Variants in EPHB2 observed in about 807,000 individuals in gnomAD.
The protein encoded by EPHB2 is ephrin type-B receptor 2.
EPHB2 carries 18 observed loss-of-function variants against 96.4 expected under a neutral mutation model. The observed-to-expected ratio is 0.19, with a 90% CI of 0.13 to 0.28. The LOEUF (loss-of-function observed/expected upper bound fraction) is 0.28. Ranked by LOEUF, EPHB2 falls within the 10% of genes least tolerant of loss-of-function variation. The pLI is 1.00. For synonymous variants in EPHB2, 506 were observed against 534.1 expected, an observed-to-expected ratio of 0.95 and a Z score of 0.72; for missense variants, 989 against 1,355.4, an observed-to-expected ratio of 0.73 and a Z score of 4.25.
chr1:22,806,436 G>A (rs1644925965), intron 3 of EPHB2, among the ~76,000 whole-genome samples: 1 of 152,160 alleles, frequency 6.6e-6, no homozygotes, highest in African/African-American at 2.4e-5. Flanking sequence ...CATAGCAAAT[G>A]CTCAACAGTG....
rs115646372 is a variant in EPHB2, at chr1:22,837,107, G to C, written c.812-25930G>C. On this transcript the variant is annotated intron_variant, in intron 3 of 15. Transcript: ENST00000374630. The stretch of plus-strand genomic sequence containing the variant: ...GATGGAGAAGTCTGCAGACAGGCTT[G>C]GGCACTGGATCAGCAACGTCAGGGA... Among the ~76,000 whole-genome samples, 845 of 152,304 alleles carry C rather than the reference G, an allele frequency of 5.5e-3. 7 individuals are homozygous for C. The highest frequency in any genetic ancestry group is 0.019 in the African/African-American group (797 of 41,560).
chr1:22,813,620 A>G (rs554662213), intron 3 of EPHB2, among the ~76,000 whole-genome samples: 126 of 152,360 alleles, frequency 8.3e-4, no homozygotes, highest in Non-Finnish European at 1.4e-3. Context: ...ATGGGTGGGC[A>G]TGCCCGGATT....
chr1:22,780,052 T>C (rs1644507241), intron 1 of EPHB2, among the ~76,000 whole-genome samples: 1 of 152,174 alleles, frequency 6.6e-6, no homozygotes, highest in Non-Finnish European at 1.5e-5. Flanking sequence ...TAGCCACGGT[T>C]TTCTCTCTCA....
Position 22,915,845 on chromosome 1 carries a change from A to G in EPHB2, c.*2275A>G, listed in dbSNP as rs1640251508. 6.6e-6 allele frequency: 1 copy of G among 152,150 alleles called. No individual in the cohort carries two copies. Among genetic ancestry groups the G allele is most frequent in the Non-Finnish European group, 1.5e-5 (1 of 68,040 alleles). 9.4% of individuals were successfully genotyped at this position (152,150 alleles called of 1,614,324 possible). ...CTGAGGAAGGGGAGCCAAGGAGACT[A>G]CCTCTCGGGACCTTTCCCAGATCCG... On this transcript the variant is annotated 3_prime_UTR_variant, in exon 16 of 16. Coordinates refer to ENST00000374630, the MANE Select transcript of EPHB2 (RefSeq NM_017449.5).
At chr1:22,780,189 G>C (rs575982013) in intron 1 of EPHB2, among the ~76,000 whole-genome samples, 85 of 152,240 alleles carry the variant, frequency 5.6e-4, no homozygotes, top group Non-Finnish European at 1.0e-3. Flanking sequence ...TTGGAAGCCA[G>C]AGAGGCAAGG....
intron 6 of EPHB2, among the ~76,000 whole-genome samples, chr1:22,889,480 TTA>T (rs1285272631): frequency 2.0e-5 from 3 of 152,240 alleles, no homozygotes; most frequent in Non-Finnish European, 4.4e-5. Context: ...TGTTCATTCA[TTA>T]TGTCAATAAT....
intron 5 of EPHB2, among the ~76,000 whole-genome samples, chr1:22,878,353 A>G (rs534171027): frequency 6.6e-6 from 1 of 152,356 alleles, no homozygotes; most frequent in East Asian, 1.9e-4. Context: ...TCTGAGTCTT[A>G]CAGCTTCCCC....
At chr1:22,728,113 A>G (rs1360274464) in intron 1 of EPHB2, among the ~76,000 whole-genome samples, 2 of 152,206 alleles carry the variant, frequency 1.3e-5, no homozygotes, top group African/African-American at 2.4e-5. Flanking sequence ...CATTTTTCCT[A>G]TCACCTCCCT....
chr1:22,852,379 C>T (rs1431180332), intron 3 of EPHB2, among the ~76,000 whole-genome samples: 6 of 152,302 alleles, frequency 3.9e-5, no homozygotes, highest in East Asian at 3.9e-4. Flanking sequence ...CGCTGCCTGC[C>T]GGCAGCCACA....
rs563975100 is a variant in EPHB2 at position 22,738,429 on chromosome 1, C to T, written c.61+27386C>T. Among the ~76,000 whole-genome samples the T allele has an allele frequency of 5.3e-5, 8 of 152,332 alleles. No individual in the cohort carries two copies. The East Asian group carries it at 1.5e-3, about 29-fold the overall frequency. On this transcript the variant is annotated intron_variant, in intron 1 of 15. Transcript: ENST00000374630. ...GGTCCTATGCCAAGCTCTGCTGGTA[C>T]TGTACCCATAGGAGCTTCCTAATGA...
chr1:22,740,797 C>G (rs1326479540), intron 1 of EPHB2, among the ~76,000 whole-genome samples: 8 of 152,138 alleles, frequency 5.3e-5, no homozygotes, highest in African/African-American at 1.9e-4. Context: ...ACCATCATAC[C>G]GGCCCCTCCC....
At chr1:22,742,948 G>GTGGTCTTATCATGGCTCAC (rs1643922565) in intron 1 of EPHB2, among the ~76,000 whole-genome samples, 1 of 150,760 alleles carries the variant, frequency 6.6e-6, no homozygotes, top group Non-Finnish European at 1.5e-5. Flanking sequence ...TTGGAGTGCA[G>GTGGTCTTATCATGGCTCAC]TGGTCTTATC....
chr1:22,769,215 C>T (rs1416344942), intron 1 of EPHB2, among the ~76,000 whole-genome samples: 1 of 152,100 alleles, frequency 6.6e-6, no homozygotes, highest in African/African-American at 2.4e-5. Context: ...AAAGGGAAGC[C>T]AGGTTCCAGG....
At chr1:22,909,295 T>G in intron 13 of EPHB2, 124 bp downstream of exon 13, 3 of 1,474,886 alleles carry the variant, frequency 2.0e-6, no homozygotes, top group Non-Finnish European at 2.8e-6. Context: ...ATCATGGGCC[T>G]GGCTCCCAGG....
chr1:22,740,431 C>T (rs1339674085), intron 1 of EPHB2, among the ~76,000 whole-genome samples: 1 of 152,186 alleles, frequency 6.6e-6, no homozygotes, highest in Non-Finnish European at 1.5e-5. Context: ...GTCATTGTGC[C>T]CTCACAATCC....
intron 3 of EPHB2, among the ~76,000 whole-genome samples, chr1:22,830,168 C>G (rs897875564): frequency 5.3e-5 from 8 of 152,182 alleles, no homozygotes; most frequent in Non-Finnish European, 1.0e-4. Flanking sequence ...TCCAAAAATA[C>G]AGAGAAAGGG....
chr1:22,902,308 T>C (rs967760279), intron 9 of EPHB2, among the ~76,000 whole-genome samples: 1 of 152,240 alleles, frequency 6.6e-6, no homozygotes, highest in African/African-American at 2.4e-5. Context: ...GATTAAAAAC[T>C]ATAAAGTGCC....
At chr1:22,787,770 A>G (rs1484115147) in intron 3 of EPHB2, among the ~76,000 whole-genome samples, 1 of 152,146 alleles carries the variant, frequency 6.6e-6, no homozygotes, top group African/African-American at 2.4e-5. Flanking sequence ...GCATTATCTC[A>G]TAGTTTCTGA....
chr1:22,725,803 C>A (rs1286453241), intron 1 of EPHB2, among the ~76,000 whole-genome samples: 1 of 152,210 alleles, frequency 6.6e-6, no homozygotes, highest in African/African-American at 2.4e-5. Context: ...GTGTCAGCTG[C>A]CCCGAGCTTC....
Sources: allele counts gnomAD v4.1 joint callset (sites outside exome capture counted in the v4.1 genomes callset), GRCh38; gene constraint gnomAD v4.1.1; transcripts MANE v1.5; gene names NCBI Gene and HGNC (gene_info 2026-07-23, HGNC 2026-07-21).